GLB1: variants seen among roughly 807,000 people sequenced by gnomAD.
The protein encoded by GLB1 is beta-galactosidase.
A neutral mutation model predicts 74.0 loss-of-function variants in GLB1; 56 were observed. That is an observed-to-expected ratio of 0.76 (90% CI 0.61 to 0.94). GLB1 has a LOEUF of 0.94. Among genes scored for constraint, GLB1 ranks in the 40% least tolerant of loss-of-function variants. The pLI is 0.00. For synonymous variants in GLB1, 323 were observed against 323.6 expected (o/e 1.00, Z 0.02); for missense variants, 787 against 845.5 (o/e 0.93, Z 0.86).
Position 33,058,118 on chromosome 3 carries a change from C to G in GLB1, c.704G>C (p.Gly235Ala), listed in dbSNP as rs1447194193. The change falls in exon 6 of 16, where the codon GGC becomes GCC. Residue 235 changes from glycine (G) to alanine (A), a missense_variant. Coordinates refer to ENST00000307363, the MANE Select transcript of GLB1 (RefSeq NM_000404.4). ...TCCAAAGTCCACCGTGGTGTAGAGG[C>G]CCTGCAGGGCCCCACATTTCAGGAA... is the stretch of plus-strand genomic sequence containing the variant. ...KTFLKCGALQ[G>A]LYTTVDFGTG... 3.7e-6 allele frequency: 6 copies of G among 1,613,896 alleles called. No individual in the cohort carries two copies. Among genetic ancestry groups the G allele is most frequent in the Non-Finnish European group, 5.1e-6 (6 of 1,180,024 alleles).
chr3:32,977,923 AC>A, the GLB1 span, among the ~76,000 whole-genome samples: 2 of 152,150 alleles, frequency 1.3e-5, no homozygotes, highest in Non-Finnish European at 2.9e-5. Flanking sequence ...CCTAATCCTT[AC>A]GTCTGAATTT....
chr3:32,966,983 T>G, the GLB1 span, among the ~76,000 whole-genome samples: 6 of 152,188 alleles, frequency 3.9e-5, no homozygotes, highest in Non-Finnish European at 7.3e-5. Flanking sequence ...ACCCGGTCTC[T>G]GGTATGTCCT....
At chr3:33,017,280 C>T (rs940770792) in intron 13 of GLB1, among the ~76,000 whole-genome samples, 1 of 152,154 alleles carries the variant, frequency 6.6e-6, no homozygotes, top group Admixed American at 6.5e-5. Context: ...AGTATTCTCA[C>T]CTCAAAATAC....
chr3:32,980,981 C>G, the GLB1 span, among the ~76,000 whole-genome samples: 2 of 149,220 alleles, frequency 1.3e-5, no homozygotes, highest in African/African-American at 4.9e-5. Context: ...ATCCTAGCTA[C>G]CTGGGAGGCT....
chr3:32,984,886 GA>G, the GLB1 span, among the ~76,000 whole-genome samples: 18 of 151,668 alleles, frequency 1.2e-4, no homozygotes, highest in African/African-American at 4.1e-4. Context: ...AGGTTGTGGT[GA>G]GCTGAGATCG....
At chr3:33,090,845 G>C in intron 1 of GLB1, 1 of 985,256 alleles carries the variant, frequency 1.0e-6, no homozygotes, top group East Asian at 1.1e-4. Flanking sequence ...AGTCAAGCAA[G>C]GACTTCAGAG....
chr3:33,003,779 C>A (rs1696675226), intron 15 of GLB1, among the ~76,000 whole-genome samples: 1 of 152,146 alleles, frequency 6.6e-6, no homozygotes, highest in Non-Finnish European at 1.5e-5. Context: ...CCTGTAATCC[C>A]AGCACTTTGG....
chr3:32,964,863 T>G, the GLB1 span, among the ~76,000 whole-genome samples: 1 of 152,230 alleles, frequency 6.6e-6, no homozygotes, highest in East Asian at 1.9e-4. Context: ...GGAGGTACTT[T>G]GAATCATGAG....
chr3:33,069,943 A>T (rs9817993), intron 2 of GLB1, among the ~76,000 whole-genome samples: 15,636 of 148,068 alleles, frequency 0.11, 2,537 homozygotes, highest in African/African-American at 0.36. Flanking sequence ...ACGATAGGGG[A>T]ACTCACCCTC....
In GLB1 at chr3:33,019,773, G is replaced by A. The variant is rs1697393028; in HGVS notation, c.1234-1212C>T. Among the ~76,000 whole-genome samples the A allele has an allele frequency of 3.9e-5, 6 of 152,332 alleles. No homozygotes were observed. The South Asian group carries it at 1.2e-3, about 32-fold the overall frequency. On this transcript the variant is annotated intron_variant, in intron 12 of 15. Transcript: ENST00000307363. The stretch of plus-strand genomic sequence containing the variant: ...CTTTGTCAAGGGCTTCCAGAAGGAG[G>A]GGTAGAAGCTGTGATGCTCCCCAGG...
chr3:33,053,138 C>A (rs1699067618), intron 7 of GLB1, among the ~76,000 whole-genome samples: 1 of 152,144 alleles, frequency 6.6e-6, no homozygotes, highest in Admixed American at 6.5e-5. Context: ...GGCTATATGA[C>A]CCTGGCAAGT....
At position 33,043,356 on chromosome 3, in the gene GLB1, C is replaced by T. The variant is rs149772577; in HGVS notation, c.1068+2764G>A. ...TGTGTTTGTCACAGGGCTGCGCTCC[C>T]GTTGCCTAAATTCACTGAGCTGTGT... On this transcript the variant is annotated intron_variant, in intron 10 of 15. Transcript: ENST00000307363. Among the ~76,000 whole-genome samples the T allele has an allele frequency of 4.9e-4, 74 of 152,212 alleles. 1 individual carries two copies. The highest frequency in any genetic ancestry group is 3.1e-3 in the East Asian group (16 of 5,182).
At chr3:33,084,645 C>T (rs115696316) in intron 1 of GLB1, among the ~76,000 whole-genome samples, 2,088 of 152,228 alleles carry the variant, frequency 0.014, 40 homozygotes, top group African/African-American at 0.044. Flanking sequence ...CCAATCCTCA[C>T]GGACTCTGGA....
At chr3:33,039,609 C>T (rs55898016) in intron 10 of GLB1, among the ~76,000 whole-genome samples, 32,133 of 152,036 alleles carry the variant, frequency 0.21, 3,778 homozygotes, top group Admixed American at 0.3. Flanking sequence ...ACAATGGAAG[C>T]GCTTAGGAGA....
chr3:33,043,626 T>C (rs937208869), intron 10 of GLB1, among the ~76,000 whole-genome samples: 3 of 151,944 alleles, frequency 2.0e-5, no homozygotes, highest in Non-Finnish European at 4.4e-5. Context: ...TATCAAGAAG[T>C]ACAATGAATG....
At chr3:33,076,289 A>T (rs7626612) in intron 1 of GLB1, among the ~76,000 whole-genome samples, 2,442 of 152,316 alleles carry the variant, frequency 0.016, 60 homozygotes, top group African/African-American at 0.052. Flanking sequence ...ACTACAGGCC[A>T]GGAGCCACAG....
intron 11 of GLB1, among the ~76,000 whole-genome samples, chr3:33,022,564 A>ATTTTTTGTTTTTTTTTTTTTTTTTT (rs1697539804): frequency 1.6e-5 from 1 of 63,746 alleles, no homozygotes; most frequent in Non-Finnish European, 2.9e-5. Flanking sequence ...ACTGGTTAGG[A>ATTTTTTGTTTTTTTTTTTTTTTTTT]TTTTTTTTTT....
At position 32,997,012 on chromosome 3, in the gene GLB1, G is replaced by A; in HGVS notation, c.*33C>T. 6.2e-7 allele frequency: 1 copy of A among 1,613,930 alleles called. No individual in the cohort carries two copies. Among genetic ancestry groups the A allele is most frequent in the Non-Finnish European group, 8.5e-7 (1 of 1,179,966 alleles). On this transcript the variant is annotated 3_prime_UTR_variant, in exon 16 of 16. Coordinates refer to ENST00000307363, the MANE Select transcript of GLB1 (RefSeq NM_000404.4). ...GGGAGGATCTGTGAGGTATGTTCAG[G>A]GTAGAATCCCTCAAAGACACAGGCT...
In GLB1 at chr3:33,093,493, C is replaced by T. The variant is rs1249148101; in HGVS notation, c.75+3518G>A. The T allele has an allele frequency of 6.2e-7, 1 of 1,614,222 alleles. No individual in the cohort carries two copies. Among genetic ancestry groups the T allele is most frequent in the South Asian group, 1.1e-5 (1 of 91,086 alleles). ...ATCACCGTGATGTCTGGTTCCAGCACATTCACCATCCTCACAAACATTTCC... is the reference window on the plus strand; with the variant it reads ...ATCACCGTGATGTCTGGTTCCAGCATATTCACCATCCTCACAAACATTTCC... On this transcript the variant is annotated intron_variant, in intron 1 of 15. Transcript: ENST00000307363. This position sits in a 1 kb window ranked among gnomAD's most constrained non-coding sequence, Gnocchi z 6.0.
Sources: gnomAD v4.1 joint callset for allele counts (sites outside exome capture counted in the v4.1 genomes callset) on GRCh38, gnomAD v4.1.1 for gene constraint, Gnocchi (gnomAD v3.1) non-coding constraint, MANE v1.5 for transcripts, NCBI Gene and HGNC (gene_info 2026-07-23, HGNC 2026-07-21) for gene names.